Variants in SLC26A7 observed in about 807,000 individuals in gnomAD.
The protein encoded by SLC26A7 is anion exchange transporter.
A neutral mutation model predicts 82.5 loss-of-function variants in SLC26A7; 59 were observed. The ratio of observed to expected loss-of-function variants is 0.72; its 90% confidence interval spans 0.58 to 0.89. SLC26A7 has a LOEUF of 0.89. Among genes scored for constraint, SLC26A7 ranks in the 40% least tolerant of loss-of-function variants. The pLI is 0.00. For synonymous variants in SLC26A7, 271 were observed against 274.3 expected (o/e 0.99, Z 0.12); for missense variants, 820 against 793.0 (o/e 1.03, Z -0.41).
rs762891774 is a variant in SLC26A7, at chr8:91,338,142, C to T, written c.796-8C>T. On this transcript the variant is annotated splice_region_variant and splice_polypyrimidine_tract_variant and intron_variant, in intron 6 of 18. Coordinates refer to ENST00000276609, the MANE Select transcript of SLC26A7 (RefSeq NM_052832.4). Reference sequence around the variant, plus strand: ...ATATTTTTTCTTTTTTCAAATGGAACCACACAGATTATTGCTGCATCATTT... The same window carrying T: ...ATATTTTTTCTTTTTTCAAATGGAATCACACAGATTATTGCTGCATCATTT... 1.9e-6 allele frequency: 3 copies of T among 1,597,336 alleles called. No individual in the cohort carries two copies. In the South Asian group the frequency reaches 3.4e-5, roughly 18 times the overall value.
intron 2 of SLC26A7, among the ~76,000 whole-genome samples, chr8:91,285,030 G>C (rs943267339): frequency 6.6e-6 from 1 of 152,188 alleles, no homozygotes; most frequent in Non-Finnish European, 1.5e-5. Flanking sequence ...ATTTATTCTT[G>C]AGGCTAGAAG....
intron 16 of SLC26A7, among the ~76,000 whole-genome samples, chr8:91,390,555 A>G (rs1264410029): frequency 6.6e-6 from 1 of 152,062 alleles, no homozygotes; most frequent in Non-Finnish European, 1.5e-5. Context: ...GTCTTCTGCC[A>G]GCTTCTGAGC....
intron 2 of SLC26A7, among the ~76,000 whole-genome samples, chr8:91,283,724 T>G (rs1457888272): frequency 6.6e-6 from 1 of 152,176 alleles, no homozygotes; most frequent in African/African-American, 2.4e-5. Flanking sequence ...ACGACATCAC[T>G]CTGCCATCTC....
intron 15 of SLC26A7, among the ~76,000 whole-genome samples, chr8:91,375,660 GTT>G (rs111393337): frequency 8.4e-4 from 115 of 136,684 alleles, no homozygotes; most frequent in African/African-American, 2.7e-3. Context: ...CCTTTAAGTT[GTT>G]TTTTTTTTTT....
chr8:91,389,125 G>C (rs1410972224), intron 15 of SLC26A7, among the ~76,000 whole-genome samples: 1 of 152,050 alleles, frequency 6.6e-6, no homozygotes, highest in East Asian at 1.9e-4. Context: ...TCTTCTTTGA[G>C]TCATGTCATA....
Position 91,234,827 on chromosome 8 carries a change from A to ACCTCCTTCCTTCCTTC in SLC26A7, c.-33-14791_-33-14790insCTCCTTCCTTCCTTCC, listed in dbSNP as rs1386380375. 4.5e-4 allele frequency among the ~76,000 whole-genome samples: 42 copies of ACCTCCTTCCTTCCTTC among 92,538 alleles called. 1 individual carries two copies. In the East Asian group the frequency reaches 9.0e-3, roughly 20 times the overall value. 60.7% of individuals were successfully genotyped at this position (92,538 alleles called of 152,430 possible). ...TACCTACCTACCTACCTACCTACCT[A>ACCTCCTTCCTTCCTTC]CTTCCTTCCTTCCTTCCTTCCTTCC... On this transcript the variant is annotated intron_variant, in intron 2 of 5. Transcript: ENST00000522862.
intron 14 of SLC26A7, among the ~76,000 whole-genome samples, chr8:91,367,128 C>T (rs1814217583): frequency 6.6e-6 from 1 of 152,028 alleles, no homozygotes. Flanking sequence ...CTGCCTCAGC[C>T]TCCTGAGTAG....
At chr8:91,389,043 T>C (rs1000336140) in intron 15 of SLC26A7, among the ~76,000 whole-genome samples, 12 of 152,210 alleles carry the variant, frequency 7.9e-5, no homozygotes, top group Non-Finnish European at 1.5e-4. Flanking sequence ...CTTTAAAAAT[T>C]ATTTAAACTT....
intron 2 of SLC26A7, among the ~76,000 whole-genome samples, chr8:91,258,789 C>T (rs1810878068): frequency 6.6e-6 from 1 of 152,078 alleles, no homozygotes; most frequent in South Asian, 2.1e-4. Flanking sequence ...TGAGCCCGTG[C>T]TTCTACCTTA....
intron 2 of SLC26A7, among the ~76,000 whole-genome samples, chr8:91,281,412 A>T (rs1023561184): frequency 7.2e-5 from 11 of 152,160 alleles, no homozygotes; most frequent in African/African-American, 2.7e-4. Context: ...TTGAAATTAC[A>T]ATCAGCCCTC....
At position 91,329,145 on chromosome 8, in the gene SLC26A7, G is replaced by A. The variant is rs79427978; in HGVS notation, c.643-5150G>A. Among the ~76,000 whole-genome samples, 116 of 152,236 alleles carry A rather than the reference G, an allele frequency of 7.6e-4. 1 individual carries two copies. The East Asian group carries it at 0.021, about 27-fold the overall frequency. On this transcript the variant is annotated intron_variant, in intron 5 of 18. Coordinates refer to ENST00000276609, the MANE Select transcript of SLC26A7 (RefSeq NM_052832.4). ...CTACTGGAGCTTAGTGCATGATAGT[G>A]TATTCAGATGACTGGATTTATACCA...
intron 3 of SLC26A7, among the ~76,000 whole-genome samples, chr8:91,289,566 A>T (rs1811806602): frequency 6.6e-6 from 1 of 152,016 alleles, no homozygotes; most frequent in African/African-American, 2.4e-5. Flanking sequence ...AATCGCTTGA[A>T]CCTGGGAGGT....
intron 15 of SLC26A7, among the ~76,000 whole-genome samples, chr8:91,380,192 G>T (rs1190829878): frequency 6.6e-6 from 1 of 152,064 alleles, no homozygotes; most frequent in Non-Finnish European, 1.5e-5. Context: ...TACAAAGTCG[G>T]TGGTAGTATA....
rs540577730 is a variant in SLC26A7, at chr8:91,280,629, G to A, written c.194-8507G>A. On this transcript the variant is annotated intron_variant, in intron 2 of 18. Transcript: ENST00000276609. The stretch of plus-strand genomic sequence containing the variant: ...ATTTGCCAGGAGTGCCATTTCAGTG[G>A]AATTACCACAGATTCTTGGCCATGG... 2.6e-5 allele frequency among the ~76,000 whole-genome samples: 4 copies of A among 152,168 alleles called. No individual in the cohort carries two copies. In the East Asian group the frequency reaches 5.8e-4, roughly 22 times the overall value.
At chr8:91,305,042 A>G (rs149362653) in intron 4 of SLC26A7, among the ~76,000 whole-genome samples, 1 of 152,248 alleles carries the variant, frequency 6.6e-6, no homozygotes, top group Non-Finnish European at 1.5e-5. Flanking sequence ...AGGGCTTCTG[A>G]ATCTACCAGG....
At chr8:91,383,075 T>G (rs1245017482) in intron 15 of SLC26A7, among the ~76,000 whole-genome samples, 1 of 152,114 alleles carries the variant, frequency 6.6e-6, no homozygotes, top group Non-Finnish European at 1.5e-5. Flanking sequence ...AAATGCAGCC[T>G]GCATGGAAGG....
chr8:91,287,806 G>C (rs1009790254), intron 2 of SLC26A7, among the ~76,000 whole-genome samples: 15 of 152,130 alleles, frequency 9.9e-5, no homozygotes, highest in African/African-American at 3.6e-4. Context: ...GTAGAGGTGG[G>C]GAAATATTTA....
intron 16 of SLC26A7, among the ~76,000 whole-genome samples, chr8:91,391,093 C>A (rs1204115597): frequency 4.6e-5 from 7 of 152,104 alleles, no homozygotes; most frequent in Non-Finnish European, 8.8e-5. Context: ...GTGTAGCATA[C>A]CTTGTGTCTC....
intron 2 of SLC26A7, among the ~76,000 whole-genome samples, chr8:91,268,279 A>G (rs1398722000): frequency 6.6e-6 from 1 of 151,716 alleles, no homozygotes; most frequent in Admixed American, 6.6e-5. Flanking sequence ...CTCCCTTTAG[A>G]TTTATTAATA....
Sources: gnomAD v4.1 joint callset for allele counts (sites outside exome capture counted in the v4.1 genomes callset) on GRCh38, gnomAD v4.1.1 for gene constraint, MANE v1.5 for transcripts, NCBI Gene and HGNC (gene_info 2026-07-23, HGNC 2026-07-21) for gene names.